HOXC4: variants seen among roughly 807,000 people sequenced by gnomAD.
The protein encoded by HOXC4 is homeobox protein Hox-C4.
In HOXC4, 15 loss-of-function variants were observed where a neutral mutation model predicts 25.5. The ratio of observed to expected loss-of-function variants is 0.59; its 90% CI spans 0.39 to 0.91. The LOEUF (loss-of-function observed/expected upper bound fraction) is 0.91, where lower values mean the gene tolerates loss of function less well. Ranked by LOEUF, HOXC4 falls within the 40% of genes least tolerant of loss-of-function variation. HOXC4 has a pLI of 0.00. For synonymous variants in HOXC4, 165 were observed against 148.0 expected, an observed-to-expected ratio of 1.11 and a Z score of -0.83; for missense variants, 342 against 352.4, an observed-to-expected ratio of 0.97 and a Z score of 0.24.
At chr12:54,026,035 C>A (rs1940680228) in intron 1 of HOXC4, among the ~76,000 whole-genome samples, 1 of 152,074 alleles carries the variant, frequency 6.6e-6, no homozygotes, top group Non-Finnish European at 1.5e-5. Context: ...TTCCATCATT[C>A]AATTTGTTGT....
intron 1 of HOXC4, among the ~76,000 whole-genome samples, chr12:54,040,459 A>G (rs943140671): frequency 1.1e-4 from 16 of 152,096 alleles, no homozygotes; most frequent in African/African-American, 3.9e-4. Flanking sequence ...GATACCCAGC[A>G]TATTCTAGCC....
chr12:54,033,781 A>G (rs1346320795), intron 1 of HOXC4, among the ~76,000 whole-genome samples: 2 of 152,186 alleles, frequency 1.3e-5, no homozygotes, highest in Non-Finnish European at 2.9e-5. Context: ...AAACGTGTAT[A>G]AAAGGCAATA....
intron 1 of HOXC4, 49 bp from the exon 2 acceptor site, chr12:54,054,801 G>C (rs1937935792): frequency 3.1e-6 from 4 of 1,271,096 alleles, no homozygotes; most frequent in Non-Finnish European, 4.5e-6. Flanking sequence ...TGGGGGGCGG[G>C]GAGCCTGCTG....
At chr12:54,051,155 G>C (rs918016430), upstream of HOXC4, among the ~76,000 whole-genome samples, 1 of 152,112 alleles carries the variant, frequency 6.6e-6, no homozygotes, top group African/African-American at 2.4e-5. Flanking sequence ...TGAGGGCTGA[G>C]AGGATGAGAG....
chr12:54,045,394 T>C (rs1937678779), intron 1 of HOXC4, among the ~76,000 whole-genome samples: 1 of 152,236 alleles, frequency 6.6e-6, no homozygotes, highest in African/African-American at 2.4e-5. Context: ...CTAGGATGTA[T>C]TGGTACAGCT....
At chr12:54,042,401 A>T (rs1941290297) in intron 1 of HOXC4, among the ~76,000 whole-genome samples, 2 of 152,222 alleles carry the variant, frequency 1.3e-5, no homozygotes, top group Admixed American at 6.5e-5. Context: ...GGGGTACCAG[A>T]TCTCATGAAG....
chr12:54,017,488 T>C (rs1000563189), intron 1 of HOXC4: 4 of 151,918 alleles, frequency 2.6e-5, no homozygotes, highest in East Asian at 1.9e-4. Context: ...CAGCAGCGGC[T>C]TCTCTTGGTT....
chr12:54,055,378 A>G lies in HOXC4; in HGVS notation c.*173A>G, dbSNP rs138869843. 1.9e-4 allele frequency: 41 copies of G among 219,596 alleles called. No individual in the cohort carries two copies. Among genetic ancestry groups the G allele is most frequent in the African/African-American group, 9.4e-4 (40 of 42,654 alleles). 13.6% of individuals were successfully genotyped at this position (219,596 alleles called of 1,614,324 possible). A position where few individuals can be genotyped will look rare whatever the true frequency, so the allele number is the denominator to read the frequency against. ...TCCAAACAGACAAAACAGATAAACAAACAAGCCCCCTGCCCTCCTCTCCCT... is the reference window on the plus strand; with the variant it reads ...TCCAAACAGACAAAACAGATAAACAGACAAGCCCCCTGCCCTCCTCTCCCT... On this transcript the variant is annotated 3_prime_UTR_variant, in exon 2 of 2. Transcript: ENST00000430889.
At chr12:54,041,977 C>CT (rs796328359) in intron 1 of HOXC4, among the ~76,000 whole-genome samples, 29,805 of 116,630 alleles carry the variant, frequency 0.26, 4,379 homozygotes, top group East Asian at 0.37. Flanking sequence ...CTTTTCTTTT[C>CT]TTTTTTTTTT....
chr12:54,029,849 G>T (rs1391529492), intron 1 of HOXC4: 1 of 1,614,052 alleles, frequency 6.2e-7, no homozygotes. Context: ...GTGGAAAAAA[G>T]AATCTAATCT....
chr12:54,054,621 G>A (rs1378562463), intron 1 of HOXC4, among the ~76,000 whole-genome samples: 2 of 152,104 alleles, frequency 1.3e-5, no homozygotes, highest in Admixed American at 1.3e-4. Flanking sequence ...AACTATGCTC[G>A]CTTTCTAAGG....
chr12:54,035,105 C>T (rs1941153084), intron 1 of HOXC4: 1 of 154,130 alleles, frequency 6.5e-6, no homozygotes, highest in Admixed American at 6.4e-5. Flanking sequence ...CCCCCCAAAA[C>T]CCGGGAACCT....
At chr12:54,053,710 C>T (rs1366483540), upstream of HOXC4, among the ~76,000 whole-genome samples, 5 of 152,208 alleles carry the variant, frequency 3.3e-5, no homozygotes, top group South Asian at 1.0e-3. Context: ...CCACCCCCGC[C>T]TCCCAGCACC....
upstream of HOXC4, among the ~76,000 whole-genome samples, chr12:54,053,720 C>T (rs1937900450): frequency 6.6e-6 from 1 of 151,996 alleles, no homozygotes; most frequent in Non-Finnish European, 1.5e-5. Context: ...CTCCCAGCAC[C>T]ACCACCACCA....
chr12:54,052,287 C>T (rs1373602364), upstream of HOXC4, among the ~76,000 whole-genome samples: 1 of 152,212 alleles, frequency 6.6e-6, no homozygotes, highest in Admixed American at 6.5e-5. Context: ...CGTTTTACAG[C>T]CCTATAAAAG....
rs73313188 is a variant in HOXC4, at chr12:54,019,434, C to A, written c.-124+2020C>A. Among the ~76,000 whole-genome samples, 1,389 of 152,230 alleles carry A rather than the reference C, an allele frequency of 9.1e-3. 15 individuals carry two copies. Among genetic ancestry groups the A allele is most frequent in the African/African-American group, 0.031 (1,289 of 41,548 alleles). ...AGGGCAAAGGGAGTGCGGTGGGACA[C>A]AAGAGGGGCCCGAGAGGCCCGAAAA... On this transcript the variant is annotated intron_variant, in intron 1 of 3. Transcript: ENST00000303406.
At chr12:54,017,842 C>G (rs1008156725) in intron 1 of HOXC4, among the ~76,000 whole-genome samples, 5 of 152,132 alleles carry the variant, frequency 3.3e-5, no homozygotes, top group African/African-American at 9.7e-5. Context: ...GCCCATTGCC[C>G]CCTAAGCAAA....
intron 1 of HOXC4, among the ~76,000 whole-genome samples, chr12:54,043,944 GTGTGTGTGTGTGTGTGTGTGTGTT>G (rs914051074): frequency 1.4e-5 from 2 of 139,354 alleles, no homozygotes; most frequent in African/African-American, 5.5e-5. Context: ...GTGTGTGTGT[GTGTGTGTGTGTGTGTGTGTGTGTT>G]TAGGGAGTAG....
intron 1 of HOXC4, chr12:54,032,920 C>G: frequency 1.9e-6 from 1 of 525,686 alleles, no homozygotes; most frequent in Non-Finnish European, 3.3e-6. Context: ...CGGAGGTCAT[C>G]AAGCCAAATT....
Sources: gnomAD v4.1 joint callset for allele counts (sites outside exome capture counted in the v4.1 genomes callset) on GRCh38, gnomAD v4.1.1 for gene constraint, MANE v1.5 for transcripts, NCBI Gene and HGNC (gene_info 2026-07-23, HGNC 2026-07-21) for gene names.